The following PCDHGA6 variants were observed in gnomAD, a reference collection of about 807,000 sequenced individuals.
PCDHGA6 encodes the protein protocadherin gamma subfamily A, 6, also known as protocadherin gamma-A6.
A neutral mutation model predicts 60.6 loss-of-function variants in PCDHGA6; 41 were observed. That is an observed-to-expected ratio of 0.68 (90% CI 0.53 to 0.88). The LOEUF is 0.88. Ranked by LOEUF, PCDHGA6 falls within the 40% of genes least tolerant of loss-of-function variation. PCDHGA6 has a pLI of 0.00. For synonymous variants in PCDHGA6, 594 were observed against 524.4 expected (o/e 1.13, Z -1.81); for missense variants, 1,312 against 1,203.0 (o/e 1.09, Z -1.34).
At chr5:141,415,132 C>T (rs752622569) in intron 1 of PCDHGA6, 4 of 1,613,696 alleles carry the variant, frequency 2.5e-6, no homozygotes, top group Non-Finnish European at 3.4e-6. Flanking sequence ...CGTCCAGGAC[C>T]ACGGCCAGCC....
At chr5:141,505,804 G>A (rs554534524) in intron 3 of PCDHGA6, among the ~76,000 whole-genome samples, 13 of 152,240 alleles carry the variant, frequency 8.5e-5, no homozygotes, top group Admixed American at 3.3e-4. Context: ...GACTTGGATC[G>A]ACTTGCTCAA....
chr5:141,430,756 A>G (rs747363475), intron 1 of PCDHGA6: 1 of 1,503,228 alleles, frequency 6.7e-7, no homozygotes, highest in Non-Finnish European at 8.9e-7. Flanking sequence ...GGAGGAAGAT[A>G]AGAATGATTC....
At chr5:141,383,357 CG>C (rs1779064068) in intron 1 of PCDHGA6, 2 of 1,613,956 alleles carry the variant, frequency 1.2e-6, no homozygotes, top group Non-Finnish European at 1.7e-6. Flanking sequence ...GTTCGGTTTC[CG>C]TTAAGCGAGG....
chr5:141,487,455 A>G lies in PCDHGA6; in HGVS notation c.2425-7352A>G, dbSNP rs751456631. 6.2e-7 allele frequency: 1 copy of G among 1,614,122 alleles called. No individual in the cohort carries two copies. The highest frequency in any genetic ancestry group is 8.5e-7 in the Non-Finnish European group (1 of 1,180,032). On this transcript the variant is annotated intron_variant, in intron 1 of 3. Coordinates refer to ENST00000517434, the MANE Select transcript of PCDHGA6 (RefSeq NM_018919.3). The surrounding 1 kb of genome is among the most constrained non-coding windows in gnomAD (Gnocchi z 5.0). ...CAGCTAGGGTCAGATGACCCTATCA[A>G]GTTTGTTGATGTGGGAGGCCACTCT...
At position 141,433,251 on chromosome 5, in the gene PCDHGA6, C is replaced by T. The variant is rs1022165468; in HGVS notation, c.2424+56744C>T. The T allele has an allele frequency of 1.1e-5, 16 of 1,423,126 alleles. No homozygotes were observed. In the East Asian group the frequency reaches 3.7e-4, roughly 33 times the overall value. 88.2% of individuals were successfully genotyped at this position (1,423,126 alleles called of 1,614,324 possible). A position where few individuals can be genotyped will look rare whatever the true frequency, so the allele number is the denominator to read the frequency against. ...CTCTGTCTCCCAAGCTGGAATGCAGCGGTACGATCATAGCTCACTGCAGCC... is the reference window on the plus strand; with the variant it reads ...CTCTGTCTCCCAAGCTGGAATGCAGTGGTACGATCATAGCTCACTGCAGCC... On this transcript the variant is annotated intron_variant, in intron 1 of 3. Transcript: ENST00000517434.
intron 1 of PCDHGA6, chr5:141,415,955 G>A: frequency 8.5e-6 from 4 of 472,662 alleles, no homozygotes; most frequent in Non-Finnish European, 1.3e-5. Context: ...GTCACATATT[G>A]AAACTCCAGC....
chr5:141,410,665 G>A, intron 1 of PCDHGA6: 1 of 1,569,394 alleles, frequency 6.4e-7, no homozygotes, highest in Non-Finnish European at 8.6e-7. Context: ...TAGTCTACTA[G>A]TTTCTCATAT....
In PCDHGA6 at chr5:141,385,264, G is replaced by C. The variant is rs879420336; in HGVS notation, c.2424+8757G>C. 3 of 1,613,712 alleles carry C rather than the reference G, an allele frequency of 1.9e-6. No individual in the cohort carries two copies. In the African/African-American group the frequency reaches 4.0e-5, roughly 22 times the overall value. The stretch of plus-strand genomic sequence containing the variant: ...CAGCCAGGAGAGCTGTGAGAAAAAT[G>C]ATTCTTTGCTAACATCCGTAGATTT... On this transcript the variant is annotated intron_variant, in intron 1 of 3. Transcript: ENST00000517434.
chr5:141,404,564 G>A, intron 1 of PCDHGA6: 1 of 1,613,890 alleles, frequency 6.2e-7, no homozygotes. Flanking sequence ...AAGTGACAGT[G>A]GAAGCCCACC....
chr5:141,497,414 C>A (rs1021294577), intron 2 of PCDHGA6, among the ~76,000 whole-genome samples: 34 of 152,066 alleles, frequency 2.2e-4, no homozygotes, highest in Admixed American at 2.0e-3. Flanking sequence ...CCCATTCCAT[C>A]AAATGAGAGG....
Position 141,489,322 on chromosome 5 carries a change from T to C in PCDHGA6, c.2425-5485T>C. The C allele has an allele frequency of 6.2e-7, 1 of 1,601,052 alleles. No individual in the cohort carries two copies. Among genetic ancestry groups the C allele is most frequent in the Non-Finnish European group, 8.5e-7 (1 of 1,172,658 alleles). ...GTCCTTGTGCTGCTGGGGCTGGGTGTCTGGGCAGCTTCGTTACTCAGTGGT... is the reference window on the plus strand; with the variant it reads ...GTCCTTGTGCTGCTGGGGCTGGGTGCCTGGGCAGCTTCGTTACTCAGTGGT... On this transcript the variant is annotated intron_variant, in intron 1 of 3. Coordinates refer to ENST00000517434, the MANE Select transcript of PCDHGA6 (RefSeq NM_018919.3). The surrounding 1 kb of genome is among the most constrained non-coding windows in gnomAD (Gnocchi z 4.5).
At chr5:141,397,818 T>TAA (rs748152113) in intron 1 of PCDHGA6, among the ~76,000 whole-genome samples, 1 of 152,226 alleles carries the variant, frequency 6.6e-6, no homozygotes, top group Non-Finnish European at 1.5e-5. Flanking sequence ...CAAAAACAAT[T>TAA]ACTGCACTGG....
In PCDHGA6 at chr5:141,393,936, G is replaced by A. The variant is rs766829273; in HGVS notation, c.2424+17429G>A. On this transcript the variant is annotated intron_variant, in intron 1 of 3. Transcript: ENST00000517434. ...TGCCTTCTTGAGTGTGCATGACCAA[G>A]ACTCTGGAAAGAATGGTCAAGTTGT... 3 of 1,613,922 alleles carry A rather than the reference G, an allele frequency of 1.9e-6. No homozygotes were observed. In the Admixed American group the frequency reaches 5.0e-5, roughly 27 times the overall value.
intron 1 of PCDHGA6, chr5:141,423,074 G>T (rs2096705802): frequency 6.2e-7 from 1 of 1,614,006 alleles, no homozygotes; most frequent in African/African-American, 1.3e-5. Flanking sequence ...AGCGAGCCGG[G>T]ACTCTTCGCG....
chr5:141,418,246 C>T lies in PCDHGA6; in HGVS notation c.2424+41739C>T, dbSNP rs200526306. 4.5e-5 allele frequency: 72 copies of T among 1,614,020 alleles called. No individual in the cohort carries two copies. The African/African-American group carries it at 8.9e-4, about 20-fold the overall frequency. On this transcript the variant is annotated intron_variant, in intron 1 of 3. Coordinates refer to ENST00000517434, the MANE Select transcript of PCDHGA6 (RefSeq NM_018919.3). The stretch of plus-strand genomic sequence containing the variant: ...TGGTGATTGAGGATGTTAATGACCA[C>T]GCCCCTCAATTCCGGAAAGATGAAA...
intron 1 of PCDHGA6, among the ~76,000 whole-genome samples, chr5:141,405,943 CATA>C (rs1017424287): frequency 6.6e-6 from 1 of 152,106 alleles, no homozygotes; most frequent in Non-Finnish European, 1.5e-5. Flanking sequence ...TTCATGTTCT[CATA>C]ATAATTAACC....
intron 1 of PCDHGA6, chr5:141,388,330 G>A: frequency 6.2e-7 from 1 of 1,613,882 alleles, no homozygotes; most frequent in Non-Finnish European, 8.5e-7. Context: ...GCACAGCCTG[G>A]CACACGATTT....
At chr5:141,436,104 G>A (rs368559994) in intron 1 of PCDHGA6, among the ~76,000 whole-genome samples, 10 of 152,086 alleles carry the variant, frequency 6.6e-5, no homozygotes, top group East Asian at 3.9e-4. Flanking sequence ...AGAAATAGAG[G>A]ACAATGAAAC....
rs764067454 is a variant in PCDHGA6 at position 141,413,998 on chromosome 5, G to C, written c.2424+37491G>C. On this transcript the variant is annotated intron_variant, in intron 1 of 3. Coordinates refer to ENST00000517434, the MANE Select transcript of PCDHGA6 (RefSeq NM_018919.3). Reference sequence around the variant, plus strand: ...GACAGTCACAGCCACCGACAGGGACGAAGGTGCCAATGGAGAAGTGACATA... The same window carrying C: ...GACAGTCACAGCCACCGACAGGGACCAAGGTGCCAATGGAGAAGTGACATA... 29 of 1,613,320 alleles carry C rather than the reference G, an allele frequency of 1.8e-5. No individual in the cohort carries two copies. The Admixed American group carries it at 4.8e-4, about 27-fold the overall frequency.
Sources: allele counts gnomAD v4.1 joint callset (sites outside exome capture counted in the v4.1 genomes callset), GRCh38; gene constraint gnomAD v4.1.1; non-coding constraint Gnocchi (gnomAD v3.1); transcripts MANE v1.5; gene names NCBI Gene and HGNC (gene_info 2026-07-23, HGNC 2026-07-21).